Variants in KIAA1217 observed in about 807,000 individuals in gnomAD.
The protein encoded by KIAA1217 is sickle tail protein homolog.
Under a neutral mutation model 163.9 loss-of-function variants are expected in KIAA1217, and 88 were observed. The ratio of observed to expected loss-of-function variants is 0.54; its 90% CI spans 0.45 to 0.64. KIAA1217 has a LOEUF of 0.64. Among genes scored for constraint, KIAA1217 ranks in the 30% least tolerant of loss-of-function variants. KIAA1217 has a pLI of 0.00. For missense variants in KIAA1217, 2,372 were observed against 2,475.0 expected (o/e 0.96, Z 0.88); for synonymous variants, 903 against 923.1 (o/e 0.98, Z 0.39).
chr10:23,751,329 G>A (rs111272608), intron 1 of KIAA1217, among the ~76,000 whole-genome samples: 2,745 of 152,180 alleles, frequency 0.018, 74 homozygotes, highest in African/African-American at 0.063. Flanking sequence ...TGCCTGGCGA[G>A]AATTTTCTAC....
intron 1 of KIAA1217, among the ~76,000 whole-genome samples, chr10:23,822,978 G>T (rs1189245010): frequency 6.6e-6 from 1 of 152,154 alleles, no homozygotes; most frequent in Non-Finnish European, 1.5e-5. Context: ...TAACCTATGT[G>T]TCCCCAAATT....
intron 1 of KIAA1217, among the ~76,000 whole-genome samples, chr10:23,987,501 A>G (rs1426248227): frequency 6.6e-6 from 1 of 151,956 alleles, no homozygotes; most frequent in East Asian, 1.9e-4. Flanking sequence ...ACTTTAATTG[A>G]CAAAACTTAT....
rs531672466 is a variant in KIAA1217, at chr10:23,903,902, T to A, written c.-320-103323T>A. ...GATTTCATACAATGTCAGCCATATA[T>A]CTTCAGATTATCAAGAGCTGGCAAA... On this transcript the variant is annotated intron_variant, in intron 1 of 18. Coordinates refer to the KIAA1217 transcript ENST00000376462. 2.0e-5 allele frequency among the ~76,000 whole-genome samples: 3 copies of A among 152,262 alleles called. No individual in the cohort carries two copies. The South Asian group carries it at 6.2e-4, about 32-fold the overall frequency.
chr10:24,291,521 A>G (rs2079089327), intron 2 of KIAA1217, among the ~76,000 whole-genome samples: 1 of 151,978 alleles, frequency 6.6e-6, no homozygotes, highest in African/African-American at 2.4e-5. Context: ...CAAGAGTGAC[A>G]CTCCATCTCA....
At chr10:24,378,196 T>A (rs1409118369) in intron 2 of KIAA1217, among the ~76,000 whole-genome samples, 1 of 152,212 alleles carries the variant, frequency 6.6e-6, no homozygotes, top group Non-Finnish European at 1.5e-5. Flanking sequence ...CTGTCCCAGA[T>A]CTAAATTTAC....
At position 23,810,225 on chromosome 10, in the gene KIAA1217, T is replaced by G. The variant is rs144154659; in HGVS notation, c.-321+114991T>G. Among the ~76,000 whole-genome samples, 172 of 151,224 alleles carry G rather than the reference T, an allele frequency of 1.1e-3. 12 individuals are homozygous for G. The East Asian group carries it at 0.027, about 23-fold the overall frequency. On this transcript the variant is annotated intron_variant, in intron 1 of 18. Coordinates refer to the KIAA1217 transcript ENST00000376462. ...ATCCATCCATTCATCTATCTGTCTG[T>G]CTATCTACCTACCTACCTACCCTCT...
At chr10:24,395,740 A>G (rs940133554) in intron 3 of KIAA1217, among the ~76,000 whole-genome samples, 2 of 152,108 alleles carry the variant, frequency 1.3e-5, no homozygotes, top group African/African-American at 2.4e-5. Context: ...TGGTGCAGTC[A>G]TAGTTCTACA....
intron 1 of KIAA1217, among the ~76,000 whole-genome samples, chr10:23,988,291 T>A (rs78086454): frequency 0.038 from 5,835 of 152,338 alleles, 187 homozygotes; most frequent in African/African-American, 0.086. Flanking sequence ...TTAGCAGATG[T>A]GGAATTTTTT....
chr10:23,977,497 A>G (rs1473040258), intron 1 of KIAA1217, among the ~76,000 whole-genome samples: 1 of 152,112 alleles, frequency 6.6e-6, no homozygotes, highest in Non-Finnish European at 1.5e-5. Context: ...TCACACTTTC[A>G]TGCTTGAGAA....
At chr10:24,090,622 AGAG>A (rs947000131) in intron 2 of KIAA1217, among the ~76,000 whole-genome samples, 3 of 151,608 alleles carry the variant, frequency 2.0e-5, no homozygotes, top group Non-Finnish European at 4.4e-5. Flanking sequence ...AGCATTTCGA[AGAG>A]GAGAAGTGAT....
rs117908053 is a variant in KIAA1217, at chr10:23,757,943, C to T, written c.-321+62709C>T. 2.3e-3 allele frequency among the ~76,000 whole-genome samples: 354 copies of T among 152,256 alleles called. 1 individual carries two copies. Among genetic ancestry groups the T allele is most frequent in the Non-Finnish European group, 3.0e-3 (204 of 68,022 alleles). The stretch of plus-strand genomic sequence containing the variant: ...TGCGTTTCAGAAGTCTTCTATATAG[C>T]TTGGATATTAATCCCTTAAATAGAC... On this transcript the variant is annotated intron_variant, in intron 1 of 18. Transcript: ENST00000376462.
At chr10:24,128,027 A>C (rs933820145) in intron 2 of KIAA1217, among the ~76,000 whole-genome samples, 3 of 152,264 alleles carry the variant, frequency 2.0e-5, no homozygotes, top group African/African-American at 7.2e-5. Context: ...AAGCCTCACC[A>C]AATTATTTTA....
At chr10:24,323,832 T>TGTGTGTGTGTG (rs2044498544) in intron 2 of KIAA1217, among the ~76,000 whole-genome samples, 27 of 142,082 alleles carry the variant, frequency 1.9e-4, no homozygotes, top group African/African-American at 5.8e-4. Context: ...TGTGTGTGTG[T>TGTGTGTGTGTG]TTGACTAACT....
Position 24,512,282 on chromosome 10 carries a change from C to T in KIAA1217, c.2002-977C>T, listed in dbSNP as rs1309388644. Among the ~76,000 whole-genome samples the T allele has an allele frequency of 6.6e-5, 10 of 152,036 alleles. 1 individual carries two copies. The highest frequency in any genetic ancestry group is 5.9e-4 in the Admixed American group (9 of 15,266). On this transcript the variant is annotated intron_variant, in intron 9 of 20. Coordinates refer to ENST00000376454, the MANE Select transcript of KIAA1217 (RefSeq NM_019590.5). ...TGAGATGATAAACCAGTCCATGAAA[C>T]CGGAAAACAGGAAACCATTGAAATT...
chr10:24,079,893 G>A (rs1314530345), intron 2 of KIAA1217, among the ~76,000 whole-genome samples: 1 of 152,136 alleles, frequency 6.6e-6, no homozygotes, highest in Non-Finnish European at 1.5e-5. Flanking sequence ...GTTGTTGTTG[G>A]TCCTTAAACC....
In KIAA1217 at chr10:23,707,323, G is replaced by T. The variant is rs147985865; in HGVS notation, c.-321+12089G>T. 6.9e-4 allele frequency among the ~76,000 whole-genome samples: 105 copies of T among 152,246 alleles called. No homozygotes were observed. In the East Asian group the frequency reaches 0.019, roughly 27 times the overall value. ...GGCCAGTGCTGGGGGAACACAGAGAGCAGGAGGAAGGGAAATAATGGGAAG... is the reference window on the plus strand; with the variant it reads ...GGCCAGTGCTGGGGGAACACAGAGATCAGGAGGAAGGGAAATAATGGGAAG... On this transcript the variant is annotated intron_variant, in intron 1 of 18. Transcript: ENST00000376462.
chr10:24,546,271 C>T lies in KIAA1217; in HGVS notation c.5779C>T (p.Gln1927Ter), dbSNP rs748094380. The stretch of plus-strand genomic sequence containing the variant: ...TCCCAGCCTCACCAGCTACAAGGCA[C>T]AGAATGGAAGTTCAAGCAAAGCCAC... ...HTPSLTSYKA[Q>*]NGSSSKATPS... The change falls in exon 21 of 21, where the codon CAG (glutamine) becomes TAG (stop). Residue 1927 changes from glutamine (Q) to a stop codon, truncating the protein, a stop_gained. Coordinates refer to ENST00000376454, the MANE Select transcript of KIAA1217 (RefSeq NM_019590.5). LOFTEE classifies it high-confidence loss of function. 2 of 1,613,816 alleles carry T rather than the reference C, an allele frequency of 1.2e-6. No individual in the cohort carries two copies. The highest frequency in any genetic ancestry group is 1.7e-6 in the Non-Finnish European group (2 of 1,179,892).
chr10:24,140,003 A>G (rs2063987624), intron 2 of KIAA1217, among the ~76,000 whole-genome samples: 1 of 151,590 alleles, frequency 6.6e-6, no homozygotes, highest in Non-Finnish European at 1.5e-5. Context: ...CAACCTCAGC[A>G]TACTTTTTTT....
chr10:24,356,381 G>A (rs1022457260), intron 2 of KIAA1217, among the ~76,000 whole-genome samples: 7 of 152,160 alleles, frequency 4.6e-5, no homozygotes, highest in Admixed American at 2.6e-4. Context: ...CCTTCTGACC[G>A]CAGGTCCTTC....
Sources: gnomAD v4.1 joint callset for allele counts (sites outside exome capture counted in the v4.1 genomes callset) on GRCh38, gnomAD v4.1.1 for gene constraint, MANE v1.5 for transcripts, NCBI Gene and HGNC (gene_info 2026-07-23, HGNC 2026-07-21) for gene names.